Variants in CRTC3 observed in about 807,000 individuals in gnomAD.
CRTC3 encodes CREB regulated transcription coactivator 3, also known as CREB-regulated transcription coactivator 3.
In CRTC3, 26 loss-of-function variants were observed where a neutral mutation model predicts 74.5. The ratio of observed to expected loss-of-function variants is 0.35; its 90% CI spans 0.26 to 0.48. CRTC3 has a LOEUF of 0.48. CRTC3 is among the 20% of genes least tolerant of loss of function. The pLI, the probability that CRTC3 is intolerant of heterozygous loss-of-function variation, is 0.99. For synonymous variants in CRTC3, 377 were observed against 325.8 expected (o/e 1.16, Z -1.69); for missense variants, 760 against 787.3 (o/e 0.97, Z 0.41).
intron 13 of CRTC3, among the ~76,000 whole-genome samples, chr15:90,640,191 A>G (rs1969389154): frequency 6.6e-6 from 1 of 152,228 alleles, no homozygotes; most frequent in South Asian, 2.1e-4. Flanking sequence ...GGTGGGAATC[A>G]CCGTCTCCCT....
Position 90,551,944 on chromosome 15 carries a change from G to GCACACA in CRTC3, c.231+11826_231+11831dup, listed in dbSNP as rs5814439. 1.5e-3 allele frequency among the ~76,000 whole-genome samples: 193 copies of GCACACA among 129,272 alleles called. 9 individuals are homozygous for GCACACA. Among genetic ancestry groups the GCACACA allele is most frequent in the African/African-American group, 6.2e-3 (170 of 27,462 alleles). The allele number at this position is 129,272 out of a possible 152,430, so 84.8% of individuals were successfully genotyped here. On this transcript the variant is annotated intron_variant, in intron 2 of 14. Transcript: ENST00000268184. ...ATTACACACACGCACACACACACAC[G>GCACACA]CACACACACACACACACACACACAA...
At chr15:90,566,630 C>T (rs749998887) in intron 2 of CRTC3, among the ~76,000 whole-genome samples, 1 of 151,324 alleles carries the variant, frequency 6.6e-6, no homozygotes, top group Non-Finnish European at 1.5e-5. Flanking sequence ...GCTATAGAAG[C>T]TGCAGCAAGT....
Position 90,530,956 on chromosome 15 carries a change from T to C in CRTC3, c.132+753T>C, listed in dbSNP as rs1212454021. 6.6e-6 allele frequency among the ~76,000 whole-genome samples: 1 copy of C among 151,468 alleles called. No homozygotes were observed. The highest frequency in any genetic ancestry group is 1.5e-5 in the Non-Finnish European group (1 of 67,898). On this transcript the variant is annotated intron_variant, in intron 1 of 14. Coordinates refer to ENST00000268184, the MANE Select transcript of CRTC3 (RefSeq NM_022769.5). The surrounding 1 kb of genome is among the most constrained non-coding windows in gnomAD (Gnocchi z 6.2). ...GTGGAGGATGGAGAGCCAACCGGAG[T>C]GTCCGCGCAGGGTTGCAGAGAAGGG... is the stretch of plus-strand genomic sequence containing the variant.
rs1019595215 is a variant in CRTC3 at position 90,642,328 on chromosome 15, C to T, written c.*188C>T. The T allele has an allele frequency of 3.4e-6, 2 of 596,834 alleles. No homozygotes were observed. The highest frequency in any genetic ancestry group is 2.0e-5 in the South Asian group (1 of 49,628). 37.0% of individuals were successfully genotyped at this position (596,834 alleles called of 1,614,324 possible). A position where few individuals can be genotyped will look rare whatever the true frequency, so the allele number is the denominator to read the frequency against. On this transcript the variant is annotated 3_prime_UTR_variant, in exon 15 of 15. Transcript: ENST00000268184. Reference sequence around the variant, plus strand: ...TTCCTCCAGATCACACAGCTTTGTACTGCCTCTCCCGCCTGTGGCCAAAGT... The same window carrying T: ...TTCCTCCAGATCACACAGCTTTGTATTGCCTCTCCCGCCTGTGGCCAAAGT...
chr15:90,634,811 A>G lies in CRTC3; in HGVS notation c.1267-3635A>G, dbSNP rs531709099. 4 of 1,447,022 alleles carry G rather than the reference A, an allele frequency of 2.8e-6. No homozygotes were observed. The African/African-American group carries it at 4.2e-5, about 15-fold the overall frequency. The allele number at this position is 1,447,022 out of a possible 1,614,324, so 89.6% of individuals were successfully genotyped here. ...GCGCTGCTAAAACTGTAACCAAAGG[A>G]GGCATTTTGCTTCCAGAAAAATCTC... On this transcript the variant is annotated intron_variant, in intron 11 of 14. Coordinates refer to ENST00000268184, the MANE Select transcript of CRTC3 (RefSeq NM_022769.5).
At chr15:90,563,738 C>T (rs1406897428) in intron 2 of CRTC3, among the ~76,000 whole-genome samples, 3 of 152,182 alleles carry the variant, frequency 2.0e-5, no homozygotes, top group Admixed American at 2.0e-4. Flanking sequence ...CATTACTCAG[C>T]TAGTAAGTGG....
In CRTC3 at chr15:90,543,407, T is replaced by C. The variant is rs565940026; in HGVS notation, c.231+3270T>C. 6.6e-5 allele frequency among the ~76,000 whole-genome samples: 10 copies of C among 152,208 alleles called. No individual in the cohort carries two copies. In the East Asian group the frequency reaches 1.3e-3, roughly 21 times the overall value. On this transcript the variant is annotated intron_variant, in intron 2 of 14. Coordinates refer to ENST00000268184, the MANE Select transcript of CRTC3 (RefSeq NM_022769.5). Reference sequence around the variant, plus strand: ...TATTTTGCGAGGAGATACTTTATCCTGATCTTCATTAAACTTTCAATCTAT... The same window carrying C: ...TATTTTGCGAGGAGATACTTTATCCCGATCTTCATTAAACTTTCAATCTAT...
At chr15:90,615,472 G>A (rs1218637614) in intron 7 of CRTC3, among the ~76,000 whole-genome samples, 2 of 152,244 alleles carry the variant, frequency 1.3e-5, no homozygotes, top group African/African-American at 4.8e-5. Flanking sequence ...CTTGCAAGAC[G>A]CACAGCTCTC....
chr15:90,633,502 C>T (rs2151095162), intron 11 of CRTC3, among the ~76,000 whole-genome samples: 1 of 152,328 alleles, frequency 6.6e-6, no homozygotes, highest in Non-Finnish European at 1.5e-5. Context: ...CATTCGGACT[C>T]TTAACACTTT....
rs548358445 is a variant in CRTC3, at chr15:90,636,740, G to A, written c.1267-1706G>A. 2.0e-3 allele frequency among the ~76,000 whole-genome samples: 310 copies of A among 152,240 alleles called. 2 individuals are homozygous for A. The highest frequency in any genetic ancestry group is 2.5e-3 in the Admixed American group (38 of 15,276). On this transcript the variant is annotated intron_variant, in intron 11 of 14. Coordinates refer to ENST00000268184, the MANE Select transcript of CRTC3 (RefSeq NM_022769.5). ...CAAACAACCCCATCAAAAAGTGGGC[G>A]AAGGATATGAACAGACACTCTTCAA...
chr15:90,534,855 C>A (rs1966690325), intron 1 of CRTC3, among the ~76,000 whole-genome samples: 1 of 152,060 alleles, frequency 6.6e-6, no homozygotes, highest in Non-Finnish European at 1.5e-5. Flanking sequence ...AGTTTGTTAC[C>A]CTTGTCAGAA....
intron 8 of CRTC3, among the ~76,000 whole-genome samples, chr15:90,619,054 G>A (rs1177294853): frequency 6.6e-6 from 1 of 152,184 alleles, no homozygotes; most frequent in African/African-American, 2.4e-5. Flanking sequence ...TTATATTCTA[G>A]TTGAAATAGC....
chr15:90,542,077 C>A (rs774792695), intron 2 of CRTC3, among the ~76,000 whole-genome samples: 10 of 151,744 alleles, frequency 6.6e-5, no homozygotes, highest in African/African-American at 2.4e-4. Flanking sequence ...AGCCACCGTG[C>A]GTAGCCCCCA....
intron 2 of CRTC3, among the ~76,000 whole-genome samples, chr15:90,585,134 G>T (rs926592974): frequency 1.3e-5 from 2 of 152,112 alleles, no homozygotes; most frequent in African/African-American, 4.8e-5. Flanking sequence ...TTTATCTGGA[G>T]AATTTCTTTT....
intron 5 of CRTC3, among the ~76,000 whole-genome samples, chr15:90,605,096 A>AT (rs1348566233): frequency 6.6e-6 from 1 of 151,672 alleles, no homozygotes; most frequent in Non-Finnish European, 1.5e-5. Context: ...CCCTGTCTCT[A>AT]TGAAAAAAAA....
intron 6 of CRTC3, among the ~76,000 whole-genome samples, chr15:90,613,479 A>G (rs1347070738): frequency 6.6e-6 from 1 of 152,228 alleles, no homozygotes; most frequent in African/African-American, 2.4e-5. Flanking sequence ...CCTGTGTTAT[A>G]GAATGTGCTA....
intron 2 of CRTC3, among the ~76,000 whole-genome samples, chr15:90,579,290 C>T (rs1345809325): frequency 6.6e-6 from 1 of 152,060 alleles, no homozygotes. Context: ...TGTAGGGGGC[C>T]CTGGAACCAA....
At chr15:90,541,784 TTTTTTC>T (rs1966806606) in intron 2 of CRTC3, among the ~76,000 whole-genome samples, 1 of 137,796 alleles carries the variant, frequency 7.3e-6, no homozygotes, top group Non-Finnish European at 1.5e-5. Context: ...CCAGGATTCT[TTTTTTC>T]TTTTTTTTTT....
intron 11 of CRTC3, among the ~76,000 whole-genome samples, chr15:90,633,075 TTTA>T (rs1227766800): frequency 2.0e-5 from 3 of 152,164 alleles, no homozygotes; most frequent in African/African-American, 7.2e-5. Flanking sequence ...ACCCTCCTCA[TTTA>T]TTATAATTTT....
Sources: allele counts gnomAD v4.1 joint callset (sites outside exome capture counted in the v4.1 genomes callset), GRCh38; gene constraint gnomAD v4.1.1; non-coding constraint Gnocchi (gnomAD v3.1); transcripts MANE v1.5; gene names NCBI Gene and HGNC (gene_info 2026-07-23, HGNC 2026-07-21).